Variants in NLRP13 observed in about 807,000 individuals in gnomAD.
NLRP13 encodes the protein NLR family pyrin domain containing 13, also known as NACHT, LRR and PYD domains-containing protein 13.
A neutral mutation model predicts 94.4 loss-of-function variants in NLRP13; 82 were observed. The ratio of observed to expected loss-of-function variants is 0.87; its 90% CI spans 0.73 to 1.04. The LOEUF (loss-of-function observed/expected upper bound fraction) is 1.04, where lower values mean the gene tolerates loss of function less well. Ranked by LOEUF, NLRP13 falls within the 50% of genes least tolerant of loss-of-function variation. The pLI is 0.00. For synonymous variants in NLRP13, 553 were observed against 464.7 expected (o/e 1.19, Z -2.45); for missense variants, 1,426 against 1,230.8 (o/e 1.16, Z -2.37).
Position 55,912,443 on chromosome 19 carries a change from A to T in NLRP13, c.1374T>A (p.Tyr458Ter). The change falls in exon 5 of 11, where the codon TAT becomes TAA. Residue 458 changes from tyrosine (Y) to a stop codon, truncating the protein, a stop_gained. Transcript: ENST00000342929. LOFTEE classifies it high-confidence loss of function. ...CTGTGGAGAACAAGTTGGAGAAAAA[A>T]TAGGCATACAGACTGGTGGTAGTCT... is the stretch of plus-strand genomic sequence containing the variant. ...ITQTTTSLYA[Y>*]FFSNLFSTAE... 1 of 1,614,224 alleles carries T rather than the reference A, an allele frequency of 6.2e-7. No homozygotes were observed. The highest frequency in any genetic ancestry group is 1.1e-5 in the South Asian group (1 of 91,086).
intron 1 of NLRP13, among the ~76,000 whole-genome samples, chr19:55,930,686 CAAAAAA>C (rs9304769): frequency 2.1e-5 from 2 of 94,202 alleles, no homozygotes; most frequent in African/African-American, 8.5e-5. Flanking sequence ...AACTCCATCT[CAAAAAA>C]AAAAAAAAAA....
downstream of NLRP13, among the ~76,000 whole-genome samples, chr19:55,892,988 C>T (rs1985899533): frequency 6.6e-6 from 1 of 152,166 alleles, no homozygotes; most frequent in Admixed American, 6.5e-5. Context: ...TCATCAACAG[C>T]AGACTGGATG....
rs141036462 is a variant in NLRP13, at chr19:55,902,090, C to G, written c.2734G>C (p.Val912Leu). Residue 912 changes from valine to leucine, a missense_variant, in exon 9 of 11, where the codon GTC becomes CTC. Physicochemically the swap from Val to Leu is conservative, Grantham distance 32. Transcript: ENST00000342929. The part of the protein sequence containing the change: ...LSKNSLRDEG[V>L]KFLCEALGRP... ...CCCAAGGCCTCACACAGGAACTTGA[C>G]TCCCTCGTCTCTCAGGCTGTTCTTG... The G allele has an allele frequency of 2.9e-5, 47 of 1,614,192 alleles. No individual in the cohort carries two copies. The highest frequency in any genetic ancestry group is 1.6e-4 in the Middle Eastern group (1 of 6,062).
At chr19:55,893,464 C>T (rs1985912521), downstream of NLRP13, among the ~76,000 whole-genome samples, 1 of 152,132 alleles carries the variant, frequency 6.6e-6, no homozygotes, top group Admixed American at 6.6e-5. Flanking sequence ...ATTACTTTGG[C>T]ACCTACCTAC....
At chr19:55,917,082 AAT>A (rs1267266552) in intron 4 of NLRP13, among the ~76,000 whole-genome samples, 1 of 152,164 alleles carries the variant, frequency 6.6e-6, no homozygotes, top group Non-Finnish European at 1.5e-5. Context: ...TGTTTAAAGA[AAT>A]AAACTGTTAA....
At chr19:55,895,198 T>TTAAAA (rs1555812876), downstream of NLRP13, among the ~76,000 whole-genome samples, 25 of 140,404 alleles carry the variant, frequency 1.8e-4, no homozygotes, top group East Asian at 2.9e-3. Flanking sequence ...AAAAGTATGT[T>TTAAAA]AAAAAAAAAA....
At chr19:55,915,326 G>C (rs768303352) in intron 4 of NLRP13, among the ~76,000 whole-genome samples, 3 of 152,064 alleles carry the variant, frequency 2.0e-5, no homozygotes, top group African/African-American at 7.2e-5. Context: ...AGCCATGTGC[G>C]GTGGCTCATG....
In NLRP13 at chr19:55,906,256, T is replaced by G. The variant is rs531554671; in HGVS notation, c.2448-1144A>C. Among the ~76,000 whole-genome samples the G allele has an allele frequency of 2.3e-3, 318 of 139,370 alleles. 1 individual carries two copies. Among genetic ancestry groups the G allele is most frequent in the Non-Finnish European group, 3.5e-3 (233 of 66,538 alleles). 91.4% of individuals were successfully genotyped at this position (139,370 alleles called of 152,430 possible). ...TGGAGGCTGAGGCAGGAGAATTGCT[T>G]GAACCCAGGAGGTGGAGGTTACAGT... On this transcript the variant is annotated intron_variant, in intron 7 of 10. Transcript: ENST00000342929.
At chr19:55,915,182 C>T (rs303994) in intron 4 of NLRP13, among the ~76,000 whole-genome samples, 107,958 of 152,054 alleles carry the variant, frequency 0.71, 38,726 homozygotes, top group African/African-American at 0.8. Flanking sequence ...TAGTTCAACA[C>T]TTCAGAAAAA....
chr19:55,918,269 G>A lies in NLRP13; in HGVS notation c.524-4976C>T, dbSNP rs1372438176. ...GTGATACAGCAAAAAAAAAAAAAAA[G>A]TTTATAGCATTAAATGCTTACATTT... On this transcript the variant is annotated intron_variant, in intron 4 of 10. Transcript: ENST00000342929. 1.1e-4 allele frequency among the ~76,000 whole-genome samples: 14 copies of A among 129,362 alleles called. No individual in the cohort carries two copies. In the South Asian group the frequency reaches 1.4e-3, roughly 13 times the overall value. 84.9% of individuals were successfully genotyped at this position (129,362 alleles called of 152,430 possible).
chr19:55,903,649 A>C (rs1001656955), intron 8 of NLRP13, among the ~76,000 whole-genome samples: 14 of 151,652 alleles, frequency 9.2e-5, no homozygotes, highest in African/African-American at 2.7e-4. Flanking sequence ...CTCTGCCCCC[A>C]ATCTTCCCTG....
In NLRP13 at chr19:55,905,100, G is replaced by T; in HGVS notation, c.2460C>A (p.Cys820Ter). ...CNLKYLCLEK[C>*]NLSAASCQDL... Reference sequence around the variant, plus strand: ...CCTGACAGCTGGCTGCCGACAAGTTGCATTTCTCCAGGCTGTGGAAGGTGC... The same window carrying T: ...CCTGACAGCTGGCTGCCGACAAGTTTCATTTCTCCAGGCTGTGGAAGGTGC... Residue 820 changes from cysteine (C) to a stop codon, truncating the protein, a stop_gained, in exon 8 of 11, where the codon TGC becomes TGA. Coordinates refer to ENST00000342929, the MANE Select transcript of NLRP13 (RefSeq NM_176810.2). LOFTEE classifies it high-confidence loss of function. The T allele has an allele frequency of 6.2e-7, 1 of 1,613,700 alleles. No homozygotes were observed. Among genetic ancestry groups the T allele is most frequent in the South Asian group, 1.1e-5 (1 of 91,044 alleles).
intron 7 of NLRP13, among the ~76,000 whole-genome samples, chr19:55,905,944 A>G (rs1056563100): frequency 6.6e-6 from 1 of 152,202 alleles, no homozygotes; most frequent in Admixed American, 6.5e-5. Flanking sequence ...GGGGAGAATC[A>G]AAGAAGCCTA....
chr19:55,899,812 A>G (rs11084417), intron 9 of NLRP13, among the ~76,000 whole-genome samples: 48,325 of 151,940 alleles, frequency 0.32, 8,495 homozygotes, highest in African/African-American at 0.46. Flanking sequence ...GAACGTCCAT[A>G]TGGCTAACCC....
intron 10 of NLRP13, among the ~76,000 whole-genome samples, chr19:55,897,391 G>A (rs116203941): frequency 0.02 from 2,988 of 152,154 alleles, 95 homozygotes; most frequent in African/African-American, 0.068. Flanking sequence ...GTGGTAGCGT[G>A]CACCTGTTGT....
downstream of NLRP13, among the ~76,000 whole-genome samples, chr19:55,893,342 C>A (rs1985908277): frequency 6.6e-6 from 1 of 151,736 alleles, no homozygotes; most frequent in African/African-American, 2.4e-5. Flanking sequence ...GAGCCGAGAT[C>A]ACGCCATTGC....
rs1331848021 is a variant in NLRP13, at chr19:55,898,927, AACCTGACAAAC to A, written c.2790-1_2799del. 1.9e-6 allele frequency: 3 copies of A among 1,605,138 alleles called. No homozygotes were observed. In the African/African-American group the frequency reaches 4.0e-5, roughly 22 times the overall value. On this transcript the variant is annotated splice_acceptor_variant and coding_sequence_variant, in exon 10 of 11. Coordinates refer to ENST00000342929, the MANE Select transcript of NLRP13 (RefSeq NM_176810.2). LOFTEE classifies it high-confidence loss of function. ...CCACAGCCCTCTCTTGTGAAAGAAC[AACCTGACAAAC>A]TGCAAAATAAAAACATACAAAAGGG...
chr19:55,929,180 G>C (rs899275546), intron 1 of NLRP13, among the ~76,000 whole-genome samples: 2 of 152,194 alleles, frequency 1.3e-5, no homozygotes, highest in African/African-American at 2.4e-5. Flanking sequence ...GTTGGTGGGA[G>C]TGTAAATTAG....
chr19:55,923,271 G>A (rs1986881165), intron 4 of NLRP13, among the ~76,000 whole-genome samples: 1 of 152,180 alleles, frequency 6.6e-6, no homozygotes, highest in Non-Finnish European at 1.5e-5. Context: ...TTTTCTGTAG[G>A]AGATCAGTCA....
Sources: allele counts gnomAD v4.1 joint callset (sites outside exome capture counted in the v4.1 genomes callset), GRCh38; gene constraint gnomAD v4.1.1; transcripts MANE v1.5; gene names NCBI Gene and HGNC (gene_info 2026-07-23, HGNC 2026-07-21).